FAM81A: variants seen among roughly 807,000 people sequenced by gnomAD.
FAM81A encodes the protein family with sequence similarity 81 member A.
FAM81A carries 19 observed loss-of-function variants against 46.7 expected under a neutral mutation model. The observed-to-expected ratio is 0.41, with a 90% CI of 0.28 to 0.60. FAM81A has a LOEUF of 0.60. Ranked by LOEUF, FAM81A falls within the 20% of genes least tolerant of loss-of-function variation. The pLI is 0.34. For missense variants in FAM81A, 377 were observed against 453.5 expected (o/e 0.83, Z 1.53); for synonymous variants, 183 against 152.9 (o/e 1.20, Z -1.45).
chr15:59,510,000 G>A (rs1451452774), intron 6 of FAM81A, among the ~76,000 whole-genome samples: 1 of 152,114 alleles, frequency 6.6e-6, no homozygotes, highest in Non-Finnish European at 1.5e-5. Context: ...GGGAATAGAG[G>A]AGAAGCAGTA....
intron 6 of FAM81A, among the ~76,000 whole-genome samples, chr15:59,514,083 G>A (rs1456366328): frequency 6.6e-6 from 1 of 152,014 alleles, no homozygotes; most frequent in East Asian, 1.9e-4. Flanking sequence ...GGGGCATGGG[G>A]GGGGCAAGGG....
At chr15:59,513,097 A>G (rs1318136530) in intron 6 of FAM81A, among the ~76,000 whole-genome samples, 1 of 152,186 alleles carries the variant, frequency 6.6e-6, no homozygotes, top group Non-Finnish European at 1.5e-5. Flanking sequence ...TCTGTATTTT[A>G]TTACATATTA....
At position 59,523,437 on chromosome 15, in the gene FAM81A, T is replaced by C. The variant is rs1342487918; in HGVS notation, c.*2059T>C. 1 of 152,162 alleles carries C rather than the reference T, an allele frequency of 6.6e-6. No individual in the cohort carries two copies. Among genetic ancestry groups the C allele is most frequent in the Non-Finnish European group, 1.5e-5 (1 of 68,050 alleles). The allele number at this position is 152,162 out of a possible 1,614,324, so 9.4% of individuals were successfully genotyped here. A position where few individuals can be genotyped will look rare whatever the true frequency, so the allele number is the denominator to read the frequency against. ...GTGTTTGGGTGTGCAGCCGAGGTGG[T>C]GAGCTGTCGAGCCACAGTGCAGTTC... On this transcript the variant is annotated 3_prime_UTR_variant, in exon 9 of 9. Coordinates refer to ENST00000288228, the MANE Select transcript of FAM81A (RefSeq NM_152450.3).
chr15:59,402,176 C>G (rs1409663678), intron 1 of FAM81A: 1 of 222,870 alleles, frequency 4.5e-6, no homozygotes, highest in Admixed American at 5.5e-5. Flanking sequence ...AAATTTCTAT[C>G]CCACGTGTTA....
intron 4 of FAM81A, among the ~76,000 whole-genome samples, chr15:59,494,081 A>G (rs1396281285): frequency 3.3e-5 from 5 of 152,146 alleles, no homozygotes; most frequent in African/African-American, 1.2e-4. Flanking sequence ...TTACCTGTCT[A>G]TAGCTAAGTG....
intron 1 of FAM81A, among the ~76,000 whole-genome samples, chr15:59,443,111 C>T (rs1272778243): frequency 6.6e-6 from 1 of 152,198 alleles, no homozygotes; most frequent in African/African-American, 2.4e-5. Context: ...GAAATGGAGT[C>T]TTGCTCGGTT....
At chr15:59,509,084 G>A in intron 6 of FAM81A, 115 bp downstream of exon 6, 1 of 794,802 alleles carries the variant, frequency 1.3e-6, no homozygotes, top group South Asian at 2.1e-5. Context: ...AACAATAATG[G>A]AAGTTAAAAA....
At chr15:59,474,349 G>A (rs558881946) in intron 3 of FAM81A, among the ~76,000 whole-genome samples, 1 of 152,160 alleles carries the variant, frequency 6.6e-6, no homozygotes, top group Non-Finnish European at 1.5e-5. Flanking sequence ...TGGAGGCTGG[G>A]AAGTCCAAGC....
At chr15:59,466,477 T>C (rs555026655) in intron 3 of FAM81A, among the ~76,000 whole-genome samples, 3 of 151,452 alleles carry the variant, frequency 2.0e-5, no homozygotes, top group Admixed American at 1.3e-4. Flanking sequence ...CATTTTTTCA[T>C]GTGTCTGTTG....
At chr15:59,413,941 C>G (rs192321593) in intron 2 of FAM81A, among the ~76,000 whole-genome samples, 1 of 152,050 alleles carries the variant, frequency 6.6e-6, no homozygotes, top group Non-Finnish European at 1.5e-5. Context: ...CTCCCAAAGA[C>G]GTCCACATTC....
intron 1 of FAM81A, among the ~76,000 whole-genome samples, chr15:59,443,555 C>T (rs2081323591): frequency 6.6e-6 from 1 of 152,160 alleles, no homozygotes; most frequent in Admixed American, 6.5e-5. Flanking sequence ...TAGTAGAATG[C>T]CCTGTAGCTT....
At chr15:59,475,969 C>T (rs980600903) in intron 3 of FAM81A, among the ~76,000 whole-genome samples, 4 of 152,116 alleles carry the variant, frequency 2.6e-5, no homozygotes, top group Non-Finnish European at 5.9e-5. Flanking sequence ...ACAGAAATTT[C>T]TTTTTCATGA....
intron 1 of FAM81A, among the ~76,000 whole-genome samples, chr15:59,442,618 C>CAAAAAAA (rs1196305104): frequency 1.3e-5 from 1 of 76,688 alleles, no homozygotes; most frequent in Non-Finnish European, 2.7e-5. Flanking sequence ...CTCCGTCTCT[C>CAAAAAAA]AAAAAAAAAA....
At chr15:59,442,128 T>G (rs2081304532) in intron 1 of FAM81A, among the ~76,000 whole-genome samples, 1 of 152,190 alleles carries the variant, frequency 6.6e-6, no homozygotes, top group Non-Finnish European at 1.5e-5. Context: ...GCCCCACTTT[T>G]AACCCTGTTT....
intron 2 of FAM81A, among the ~76,000 whole-genome samples, chr15:59,404,538 G>A (rs2081086021): frequency 6.6e-6 from 1 of 152,084 alleles, no homozygotes; most frequent in African/African-American, 2.4e-5. Flanking sequence ...ATAGCTCACT[G>A]TAGCCTCCAA....
At chr15:59,510,255 A>G (rs1283507085) in intron 6 of FAM81A, among the ~76,000 whole-genome samples, 1 of 151,708 alleles carries the variant, frequency 6.6e-6, no homozygotes, top group South Asian at 2.1e-4. Context: ...AATCCCAGCT[A>G]CTCGGGAGGG....
chr15:59,447,358 C>G (rs1267468960), intron 1 of FAM81A, among the ~76,000 whole-genome samples: 3 of 152,268 alleles, frequency 2.0e-5, no homozygotes, highest in Admixed American at 6.5e-5. Flanking sequence ...CCCAGCTTTC[C>G]CCAGATCGGC....
chr15:59,453,940 C>CTGCA lies in FAM81A; in HGVS notation c.-77-4608_-77-4607insCATG, dbSNP rs1488506645. Among the ~76,000 whole-genome samples the CTGCA allele has an allele frequency of 7.9e-5, 12 of 152,302 alleles. No homozygotes were observed. The East Asian group carries it at 2.3e-3, about 29-fold the overall frequency. On this transcript the variant is annotated intron_variant, in intron 1 of 8. Transcript: ENST00000288228. The stretch of plus-strand genomic sequence containing the variant: ...CAGGGCCTTGGGCCTGCATGCACCA[C>CTGCA]TGTGACTCCCCATCTCCTCTGACTC...
chr15:59,479,637 C>A (rs1276380009), intron 3 of FAM81A, among the ~76,000 whole-genome samples: 1 of 151,264 alleles, frequency 6.6e-6, no homozygotes, highest in Non-Finnish European at 1.5e-5. Context: ...AGGAGACACC[C>A]AGGGGGATCA....
Sources: gnomAD v4.1 joint callset for allele counts (sites outside exome capture counted in the v4.1 genomes callset) on GRCh38, gnomAD v4.1.1 for gene constraint, MANE v1.5 for transcripts, NCBI Gene and HGNC (gene_info 2026-07-23, HGNC 2026-07-21) for gene names.